SHC4: variants seen among roughly 807,000 people sequenced by gnomAD.
The protein encoded by SHC4 is SHC adaptor protein 4.
Under a neutral mutation model 69.4 loss-of-function variants are expected in SHC4, and 41 were observed. The ratio of observed to expected loss-of-function variants is 0.59; its 90% CI spans 0.46 to 0.77. The LOEUF is 0.77. Ranked by LOEUF, SHC4 falls within the 30% of genes least tolerant of loss-of-function variation. The pLI is 0.00. For missense variants in SHC4, 777 were observed against 783.8 expected (o/e 0.99, Z 0.10); for synonymous variants, 318 against 299.3 (o/e 1.06, Z -0.64).
intron 6 of SHC4, among the ~76,000 whole-genome samples, chr15:48,861,561 T>C (rs1319502300): frequency 6.6e-6 from 1 of 152,152 alleles, no homozygotes; most frequent in Non-Finnish European, 1.5e-5. Flanking sequence ...GGCCAAGAAT[T>C]GCCCAATTTT....
At chr15:48,890,264 C>G (rs1040720290) in intron 3 of SHC4, among the ~76,000 whole-genome samples, 1 of 152,218 alleles carries the variant, frequency 6.6e-6, no homozygotes, top group African/African-American at 2.4e-5. Flanking sequence ...CTACTGTACC[C>G]ATGTGCTATT....
intron 8 of SHC4, among the ~76,000 whole-genome samples, chr15:48,855,270 G>A (rs1899288854): frequency 1.3e-5 from 2 of 152,090 alleles, no homozygotes; most frequent in South Asian, 4.1e-4. Flanking sequence ...AAAAAGAAGA[G>A]GGGTCAAACA....
chr15:48,827,436 C>T (rs1339067320), intron 11 of SHC4, among the ~76,000 whole-genome samples: 1 of 152,104 alleles, frequency 6.6e-6, no homozygotes, highest in East Asian at 1.9e-4. Context: ...GGCTCCAAAC[C>T]TCAAAAAGGT....
intron 1 of SHC4, among the ~76,000 whole-genome samples, chr15:48,943,444 T>A (rs866449211): frequency 5.3e-5 from 8 of 152,226 alleles, no homozygotes; most frequent in South Asian, 2.1e-4. Context: ...CCTTCTTTTT[T>A]AAGGCTGAAT....
At chr15:48,949,926 A>G (rs1901338738) in intron 1 of SHC4, among the ~76,000 whole-genome samples, 1 of 143,942 alleles carries the variant, frequency 6.9e-6, no homozygotes, top group Non-Finnish European at 1.5e-5. Context: ...TATATAATAT[A>G]TTAATATGCA....
At chr15:48,943,852 T>G (rs2141035408) in intron 1 of SHC4, among the ~76,000 whole-genome samples, 1 of 152,184 alleles carries the variant, frequency 6.6e-6, no homozygotes, top group Non-Finnish European at 1.5e-5. Context: ...TCAGTAATAG[T>G]TTTCCTTGAA....
intron 5 of SHC4, among the ~76,000 whole-genome samples, chr15:48,871,801 A>G (rs988587498): frequency 2.6e-5 from 4 of 152,238 alleles, no homozygotes; most frequent in Admixed American, 2.6e-4. Flanking sequence ...ATTATCAACA[A>G]GAAGCTTATT....
chr15:48,957,814 G>A (rs1286218418), intron 1 of SHC4, among the ~76,000 whole-genome samples: 1 of 152,212 alleles, frequency 6.6e-6, no homozygotes, highest in Non-Finnish European at 1.5e-5. Flanking sequence ...ATGAGAGTGA[G>A]CCCTAATCCA....
Position 48,867,833 on chromosome 15 carries a change from G to T in SHC4, c.931C>A (p.Pro311Thr), listed in dbSNP as rs1899592623. 1 of 1,613,510 alleles carries T rather than the reference G, an allele frequency of 6.2e-7. No individual in the cohort carries two copies. The highest frequency in any genetic ancestry group is 8.5e-7 in the Non-Finnish European group (1 of 1,179,692). The part of the protein sequence containing the change: ...TDYVAYVAKD[P>T]VNQRACHILE... The stretch of plus-strand genomic sequence containing the variant: ...CTTTCCATACCTCGTTGATTAACTG[G>T]ATCTTTAGCTACGTAGGCAACATAG... The change falls in exon 6 of 12, where the codon CCA (proline) becomes ACA (threonine). Residue 311 changes from proline to threonine, a missense_variant. Transcript: ENST00000332408.
At chr15:48,849,374 G>A (rs943617303) in intron 9 of SHC4, among the ~76,000 whole-genome samples, 2 of 152,044 alleles carry the variant, frequency 1.3e-5, no homozygotes, top group East Asian at 3.8e-4. Flanking sequence ...CCCCAATTAA[G>A]TTAGGTTTCC....
At chr15:48,936,534 C>A (rs11070666) in intron 1 of SHC4, among the ~76,000 whole-genome samples, 1 of 152,026 alleles carries the variant, frequency 6.6e-6, no homozygotes, top group South Asian at 2.1e-4. Flanking sequence ...ATTCCCAGTC[C>A]GCTTAAAGTA....
At chr15:48,895,655 T>G (rs933157641) in intron 2 of SHC4, among the ~76,000 whole-genome samples, 1 of 152,058 alleles carries the variant, frequency 6.6e-6, no homozygotes, top group Non-Finnish European at 1.5e-5. Flanking sequence ...CATATGAGTG[T>G]GCACTCACAC....
intron 10 of SHC4, among the ~76,000 whole-genome samples, chr15:48,836,114 A>G (rs1898894161): frequency 6.6e-6 from 1 of 151,726 alleles, no homozygotes; most frequent in African/African-American, 2.4e-5. Context: ...AATCGCTTAA[A>G]CCGGGGAGGC....
At chr15:48,954,863 A>T (rs1009079076) in intron 1 of SHC4, among the ~76,000 whole-genome samples, 2 of 152,184 alleles carry the variant, frequency 1.3e-5, no homozygotes, top group African/African-American at 4.8e-5. Context: ...TTGTACATAC[A>T]GTTTGTTATT....
Position 48,937,788 on chromosome 15 carries a change from G to A in SHC4, c.586-12839C>T, listed in dbSNP as rs901327848. 3.9e-5 allele frequency among the ~76,000 whole-genome samples: 6 copies of A among 152,174 alleles called. 1 individual carries two copies. The South Asian group carries it at 1.2e-3, about 32-fold the overall frequency. ...CTGCATCCAATACCTAAGACAGTAA[G>A]TATTGTGCTCAGTTTTATACTGTGT... On this transcript the variant is annotated intron_variant, in intron 1 of 11. Transcript: ENST00000332408.
intron 2 of SHC4, among the ~76,000 whole-genome samples, chr15:48,902,640 C>A (rs1324687511): frequency 1.3e-5 from 2 of 151,988 alleles, no homozygotes; most frequent in Non-Finnish European, 2.9e-5. Context: ...ATGTTATGAC[C>A]CCTCCCCAGC....
At chr15:48,961,159 G>C (rs1443827388) in intron 1 of SHC4, among the ~76,000 whole-genome samples, 1 of 151,998 alleles carries the variant, frequency 6.6e-6, no homozygotes, top group African/African-American at 2.4e-5. Flanking sequence ...CTTTCTTACT[G>C]TCCTCCAAGT....
Position 48,843,471 on chromosome 15 carries a change from G to A in SHC4, c.1421C>T (p.Thr474Ile), listed in dbSNP as rs1899030276. The part of the protein sequence containing the change: ...CYINTQALQS[T>I]PGSAGNQRSA... ...CCTTTGATTTCCAGCAGAGCCAGGT[G>A]TACTTTGAAGAGCCTGTGTATTAAT... is the stretch of plus-strand genomic sequence containing the variant. Residue 474 changes from threonine to isoleucine, a missense_variant, in exon 10 of 12, where the codon ACA (threonine) becomes ATA (isoleucine). By Grantham distance (89) the Thr-to-Ile change is moderately conservative (BLOSUM62 -1). Coordinates refer to ENST00000332408, the MANE Select transcript of SHC4 (RefSeq NM_203349.4). 6.2e-7 allele frequency: 1 copy of A among 1,614,038 alleles called. No individual in the cohort carries two copies. Among genetic ancestry groups the A allele is most frequent in the African/African-American group, 1.3e-5 (1 of 74,926 alleles).
chr15:48,828,741 C>T (rs1464500845), intron 11 of SHC4, among the ~76,000 whole-genome samples: 3 of 152,144 alleles, frequency 2.0e-5, no homozygotes, highest in Non-Finnish European at 4.4e-5. Context: ...TTTTGATTTG[C>T]ATTTTCCTGA....
Sources: gnomAD v4.1 joint callset for allele counts (sites outside exome capture counted in the v4.1 genomes callset) on GRCh38, gnomAD v4.1.1 for gene constraint, MANE v1.5 for transcripts, NCBI Gene and HGNC (gene_info 2026-07-23, HGNC 2026-07-21) for gene names.